The following RBFOX1 variants were observed in gnomAD, a reference collection of about 807,000 sequenced individuals.
RBFOX1 encodes the protein RNA binding protein fox-1 homolog 1.
RBFOX1 carries 8 observed loss-of-function variants against 57.7 expected under a neutral mutation model. The observed-to-expected ratio is 0.14, with a 90% CI of 0.08 to 0.25. RBFOX1 has a LOEUF of 0.25. Among genes scored for constraint, RBFOX1 ranks in the 10% least tolerant of loss-of-function variants. The probability of loss-of-function intolerance (pLI) is 1.00; values close to 1 mark genes in which losing one functional copy is unlikely to be tolerated. For missense variants in RBFOX1, 611 were observed against 548.5 expected (o/e 1.11, Z -1.14); for synonymous variants, 326 against 222.4 (o/e 1.47, Z -4.15).
intron 1 of RBFOX1, among the ~76,000 whole-genome samples, chr16:6,266,511 C>G (rs928358884): frequency 1.3e-5 from 2 of 152,062 alleles, no homozygotes; most frequent in East Asian, 1.9e-4. Flanking sequence ...GTCAGGAGTT[C>G]GAGACCAGCC....
At chr16:6,768,880 C>T (rs986063722) in intron 3 of RBFOX1, among the ~76,000 whole-genome samples, 6 of 152,010 alleles carry the variant, frequency 3.9e-5, no homozygotes, top group East Asian at 1.9e-4. Flanking sequence ...AGGCACCCAC[C>T]GTCATGCTCG....
intron 1 of RBFOX1, among the ~76,000 whole-genome samples, chr16:5,342,086 A>G (rs1359970701): frequency 1.3e-5 from 2 of 152,232 alleles, no homozygotes; most frequent in Non-Finnish European, 2.9e-5. Flanking sequence ...TTTTTATTTC[A>G]GAGTTTGCGG....
intron 13 of RBFOX1, among the ~76,000 whole-genome samples, chr16:7,669,467 G>A (rs943244221): frequency 6.6e-6 from 1 of 152,214 alleles, no homozygotes; most frequent in African/African-American, 2.4e-5. Flanking sequence ...GAGAGAAAGA[G>A]TGAGAGGATA....
intron 2 of RBFOX1, among the ~76,000 whole-genome samples, chr16:5,499,321 G>A (rs2043107972): frequency 6.6e-6 from 1 of 152,154 alleles, no homozygotes; most frequent in African/African-American, 2.4e-5. Flanking sequence ...CCTGGCACAG[G>A]TGACATTCTC....
chr16:6,924,151 A>G (rs777136652), intron 3 of RBFOX1, among the ~76,000 whole-genome samples: 5 of 147,386 alleles, frequency 3.4e-5, no homozygotes, highest in African/African-American at 5.1e-5. Context: ...CCTGGGTGAC[A>G]GGAAGACTCT....
At chr16:5,855,976 C>CTTTTTTTTTTTTT (rs1160702604) in intron 3 of RBFOX1, among the ~76,000 whole-genome samples, 10 of 77,698 alleles carry the variant, frequency 1.3e-4, no homozygotes, top group East Asian at 4.2e-4. Flanking sequence ...GTATGTTATT[C>CTTTTTTTTTTTTT]TTTTTTTTTT....
At chr16:5,774,256 G>A (rs141584513) in intron 3 of RBFOX1, among the ~76,000 whole-genome samples, 1 of 152,254 alleles carries the variant, frequency 6.6e-6, no homozygotes, top group Non-Finnish European at 1.5e-5. Flanking sequence ...CAGACAGACA[G>A]ACAGAGACCC....
chr16:5,778,490 C>G (rs60962384), intron 3 of RBFOX1, among the ~76,000 whole-genome samples: 6 of 152,134 alleles, frequency 3.9e-5, no homozygotes, highest in Non-Finnish European at 8.8e-5. Flanking sequence ...CTGTGGGAAC[C>G]AGGGGACATC....
chr16:5,430,516 G>C (rs1042477635), intron 1 of RBFOX1, among the ~76,000 whole-genome samples: 1 of 152,162 alleles, frequency 6.6e-6, no homozygotes, highest in African/African-American at 2.4e-5. Context: ...AGAGCACCCA[G>C]GAACGGAAGG....
intron 4 of RBFOX1, among the ~76,000 whole-genome samples, chr16:7,240,069 C>T (rs1231583703): frequency 3.3e-5 from 5 of 152,056 alleles, no homozygotes; most frequent in South Asian, 2.1e-4. Context: ...TGAGTTCAAG[C>T]GATTCTCCTG....
intron 2 of RBFOX1, among the ~76,000 whole-genome samples, chr16:5,485,161 A>G (rs1358009159): frequency 1.3e-5 from 2 of 151,934 alleles, no homozygotes; most frequent in South Asian, 2.1e-4. Flanking sequence ...CCTGGCTAAC[A>G]TGGAGAAACC....
At chr16:7,133,969 A>G (rs1407867025) in intron 4 of RBFOX1, among the ~76,000 whole-genome samples, 2 of 152,220 alleles carry the variant, frequency 1.3e-5, no homozygotes, top group African/African-American at 2.4e-5. Flanking sequence ...GGTTGATAAC[A>G]TTAGGCTCTG....
At chr16:6,426,680 C>T (rs909409804) in intron 2 of RBFOX1, among the ~76,000 whole-genome samples, 3 of 152,064 alleles carry the variant, frequency 2.0e-5, no homozygotes, top group Admixed American at 6.6e-5. Flanking sequence ...TCAGAAAGAC[C>T]GGCAGAGAGG....
intron 3 of RBFOX1, among the ~76,000 whole-genome samples, chr16:6,852,319 G>C (rs989382515): frequency 6.6e-6 from 1 of 152,116 alleles, no homozygotes; most frequent in South Asian, 2.1e-4. Context: ...AAGGATGCTT[G>C]AGGTTGCGTG....
At position 5,947,662 on chromosome 16, in the gene RBFOX1, T is replaced by A. The variant is rs1388046411; in HGVS notation, c.351+80327T>A. Among the ~76,000 whole-genome samples, 1 of 152,172 alleles carries A rather than the reference T, an allele frequency of 6.6e-6. No homozygotes were observed. The highest frequency in any genetic ancestry group is 1.5e-5 in the Non-Finnish European group (1 of 68,026). ...TATTTTTATGGCATCCCTTACCATCTTCCTTCTCTATTGTAAATCTGCCCT... is the reference window on the plus strand; with the variant it reads ...TATTTTTATGGCATCCCTTACCATCATCCTTCTCTATTGTAAATCTGCCCT... On this transcript the variant is annotated intron_variant, in intron 4 of 19. Coordinates refer to the RBFOX1 transcript ENST00000641259. The surrounding 1 kb of genome is among the most constrained non-coding windows in gnomAD (Gnocchi z 7.2).
chr16:7,271,345 T>C (rs547055795), intron 4 of RBFOX1, among the ~76,000 whole-genome samples: 1 of 152,188 alleles, frequency 6.6e-6, no homozygotes, highest in African/African-American at 2.4e-5. Context: ...ATCTTTGTTA[T>C]TTCTTGGGGG....
At chr16:7,003,863 G>T (rs1056489300) in intron 3 of RBFOX1, 2 of 152,092 alleles carry the variant, frequency 1.3e-5, no homozygotes, top group African/African-American at 4.8e-5. Context: ...ATGGTTTTCA[G>T]ATGATTGGTT....
At chr16:6,929,174 A>G (rs1026736026) in intron 3 of RBFOX1, among the ~76,000 whole-genome samples, 6 of 152,134 alleles carry the variant, frequency 3.9e-5, no homozygotes, top group African/African-American at 1.4e-4. Context: ...CTACCTTCAG[A>G]GCAAACACAT....
chr16:6,033,266 G>A (rs534887083), intron 1 of RBFOX1, among the ~76,000 whole-genome samples: 8 of 152,264 alleles, frequency 5.3e-5, no homozygotes, highest in Non-Finnish European at 8.8e-5. Flanking sequence ...AGGTAGGGTC[G>A]TTTCTAGGCA....
Sources: allele counts gnomAD v4.1 joint callset (sites outside exome capture counted in the v4.1 genomes callset), GRCh38; gene constraint gnomAD v4.1.1; non-coding constraint Gnocchi (gnomAD v3.1); transcripts MANE v1.5; gene names NCBI Gene and HGNC (gene_info 2026-07-23, HGNC 2026-07-21).